Variants in MLYCD observed in about 807,000 individuals in gnomAD.
The protein encoded by MLYCD is malonyl-CoA decarboxylase, mitochondrial.
A neutral mutation model predicts 35.8 loss-of-function variants in MLYCD; 27 were observed. The ratio of observed to expected loss-of-function variants is 0.75; its 90% CI spans 0.56 to 1.04. MLYCD has a LOEUF of 1.04. Among genes scored for constraint, MLYCD ranks in the 50% least tolerant of loss-of-function variants. The pLI is 0.00. For missense variants in MLYCD, 917 were observed against 665.1 expected, an observed-to-expected ratio of 1.38 and a Z score of -4.17; for synonymous variants, 403 against 302.4, an observed-to-expected ratio of 1.33 and a Z score of -3.45.
intron 1 of MLYCD, among the ~76,000 whole-genome samples, chr16:83,905,703 C>T (rs930988719): frequency 3.4e-4 from 52 of 152,222 alleles, no homozygotes; most frequent in African/African-American, 1.1e-3. Flanking sequence ...CTGCAGGAGA[C>T]CTCTGCTTAC....
intron 3 of MLYCD, among the ~76,000 whole-genome samples, chr16:83,910,968 A>G (rs1907156082): frequency 6.6e-6 from 1 of 151,296 alleles, no homozygotes; most frequent in Non-Finnish European, 1.5e-5. Flanking sequence ...CATTCCATAC[A>G]CAATTTCTTT....
chr16:83,906,964 G>A lies in MLYCD; in HGVS notation c.529-23G>A, dbSNP rs1391477306. The A allele has an allele frequency of 8.1e-6, 13 of 1,601,990 alleles. No individual in the cohort carries two copies. The East Asian group carries it at 2.2e-4, about 28-fold the overall frequency. The stretch of plus-strand genomic sequence containing the variant: ...TTGATCTGTCGCACATTGGAGGCCT[G>A]GGATTTATCTTCTCCTTTTCAGGAA... On this transcript the variant is annotated intron_variant, in intron 1 of 4. Transcript: ENST00000262430.
At position 83,915,922 on chromosome 16, in the gene MLYCD, C is replaced by A. The variant is rs1012551816; in HGVS notation, c.*433C>A. The A allele has an allele frequency of 1.9e-6, 2 of 1,075,676 alleles. No homozygotes were observed. The highest frequency in any genetic ancestry group is 4.5e-4 in the Middle Eastern group (1 of 2,218). The allele number at this position is 1,075,676 out of a possible 1,614,324, so 66.6% of individuals were successfully genotyped here. A position where few individuals can be genotyped will look rare whatever the true frequency, so the allele number is the denominator to read the frequency against. On this transcript the variant is annotated 3_prime_UTR_variant, in exon 5 of 5. Transcript: ENST00000262430. ...TTTGTGCTCATAAAACAGAATGCGG[C>A]GATGGTTGCTTTAGCCGTTTCTCAC...
At chr16:83,914,441 G>A (rs1009460634) in intron 4 of MLYCD, 8 of 206,736 alleles carry the variant, frequency 3.9e-5, no homozygotes, top group African/African-American at 1.6e-4. Context: ...GACAAGGCCT[G>A]CAGTGAGTAG....
rs891865060 is a variant in MLYCD at position 83,917,650 on chromosome 16, A to G, written c.*2161A>G. The G allele has an allele frequency of 6.6e-6, 1 of 152,246 alleles. No homozygotes were observed. Among genetic ancestry groups the G allele is most frequent in the Non-Finnish European group, 1.5e-5 (1 of 68,044 alleles). 9.4% of individuals were successfully genotyped at this position (152,246 alleles called of 1,614,324 possible). On this transcript the variant is annotated 3_prime_UTR_variant, in exon 5 of 5. Coordinates refer to ENST00000262430, the MANE Select transcript of MLYCD (RefSeq NM_012213.3). ...CAGGCCAATCAATGCAATCCTGGCA[A>G]CCTGCCCGCCCTTCTTGCGGGCAGA...
intron 3 of MLYCD, among the ~76,000 whole-genome samples, chr16:83,908,492 G>A (rs1429829286): frequency 6.6e-6 from 1 of 152,060 alleles, no homozygotes; most frequent in Non-Finnish European, 1.5e-5. Flanking sequence ...GGAGCAAGGC[G>A]AGCATTCATC....
chr16:83,903,056 G>A (rs1455826779), intron 1 of MLYCD, among the ~76,000 whole-genome samples: 2 of 152,150 alleles, frequency 1.3e-5, no homozygotes, highest in African/African-American at 4.8e-5. Flanking sequence ...CAGTGAAACC[G>A]AGTCGAATCC....
rs2278036 is a variant in MLYCD at position 83,908,114 on chromosome 16, A to T, written c.642-12A>T. The T allele has an allele frequency of 0.056, 89,550 of 1,613,458 alleles. 3,121 individuals are homozygous for T. The highest frequency in any genetic ancestry group is 0.14 in the East Asian group (6,143 of 44,858). ...ATGCATTTGTCTTGTCTCTTTATAA[A>T]TTCCGCCCCAGGGCTGAGGCTGTGC... On this transcript the variant is annotated splice_polypyrimidine_tract_variant and intron_variant, in intron 2 of 4. Coordinates refer to ENST00000262430, the MANE Select transcript of MLYCD (RefSeq NM_012213.3).
In MLYCD at chr16:83,916,641, T is replaced by G. The variant is rs1249922639; in HGVS notation, c.*1152T>G. The G allele has an allele frequency of 1.4e-5, 2 of 142,312 alleles. No individual in the cohort carries two copies. Among genetic ancestry groups the G allele is most frequent in the African/African-American group, 5.4e-5 (2 of 37,032 alleles). The allele number at this position is 142,312 out of a possible 1,614,324, so 8.8% of individuals were successfully genotyped here. A position where few individuals can be genotyped will look rare whatever the true frequency, so the allele number is the denominator to read the frequency against. ...CTGTGTGGATCAGTGCACGTCTGTG[T>G]GCGTGTGCACGAGCATCTCTGTGTG... On this transcript the variant is annotated 3_prime_UTR_variant, in exon 5 of 5. Coordinates refer to ENST00000262430, the MANE Select transcript of MLYCD (RefSeq NM_012213.3).
intron 4 of MLYCD, 147 bp from the exon 5 acceptor site, chr16:83,914,807 AAG>A: frequency 7.6e-6 from 9 of 1,185,104 alleles, no homozygotes; most frequent in Non-Finnish European, 1.1e-5. Context: ...AGCTGCTTGA[AAG>A]AAGATAAACA....
Position 83,899,203 on chromosome 16 carries a change from C to G in MLYCD, c.59C>G (p.Pro20Arg). ...ARRLLPLRLP[P>R]RPPGPRLASG... ...CGTCTCCTCCCGCTGCGGTTGCCCC[C>G]GCGGCCGCCCGGGCCCCGGCTGGCG... Residue 20 changes from proline (P) to arginine (R), a missense_variant, in exon 1 of 5, where the codon CCG becomes CGG. Coordinates refer to ENST00000262430, the MANE Select transcript of MLYCD (RefSeq NM_012213.3). The G allele has an allele frequency of 8.5e-7, 1 of 1,182,040 alleles. No individual in the cohort carries two copies. Among genetic ancestry groups the G allele is most frequent in the Non-Finnish European group, 1.0e-6 (1 of 960,078 alleles). The allele number at this position is 1,182,040 out of a possible 1,614,324, so 73.2% of individuals were successfully genotyped here. A position where few individuals can be genotyped will look rare whatever the true frequency, so the allele number is the denominator to read the frequency against.
rs1907450164 is a variant in MLYCD at position 83,917,262 on chromosome 16, T to A, written c.*1773T>A. ...GTCTGTGTGCGTGTGCCCGAGCGTCTCTGTGTGGATCAGTGCACGTCTGTG... is the reference window on the plus strand; with the variant it reads ...GTCTGTGTGCGTGTGCCCGAGCGTCACTGTGTGGATCAGTGCACGTCTGTG... On this transcript the variant is annotated 3_prime_UTR_variant, in exon 5 of 5. Transcript: ENST00000262430. 1 of 151,300 alleles carries A rather than the reference T, an allele frequency of 6.6e-6. No individual in the cohort carries two copies. The highest frequency in any genetic ancestry group is 2.5e-5 in the African/African-American group (1 of 40,578). 9.4% of individuals were successfully genotyped at this position (151,300 alleles called of 1,614,324 possible). A position where few individuals can be genotyped will look rare whatever the true frequency, so the allele number is the denominator to read the frequency against.
Position 83,915,245 on chromosome 16 carries a change from G to C in MLYCD, c.1238G>C (p.Gly413Ala), listed in dbSNP as rs1907334301. Residue 413 changes from glycine (G) to alanine (A), a missense_variant, in exon 5 of 5, where the codon GGC becomes GCC. Transcript: ENST00000262430. ...AWYLYGEKHR[G>A]YALNPVANFH... The stretch of plus-strand genomic sequence containing the variant: ...TACCTGTATGGAGAGAAGCACCGCG[G>C]CTACGCGCTGAACCCCGTGGCCAAC... 1.2e-6 allele frequency: 2 copies of C among 1,613,054 alleles called. No individual in the cohort carries two copies. Among genetic ancestry groups the C allele is most frequent in the Non-Finnish European group, 1.7e-6 (2 of 1,179,122 alleles).
At chr16:83,899,719 C>T (rs1906713982) in intron 1 of MLYCD, 47 bp downstream of exon 1, 2 of 1,477,026 alleles carry the variant, frequency 1.4e-6, no homozygotes, top group Non-Finnish European at 1.8e-6. Context: ...TGGCCGCCCT[C>T]CTCGAGTAGT....
chr16:83,905,815 T>C (rs1906953483), intron 1 of MLYCD, among the ~76,000 whole-genome samples: 1 of 152,178 alleles, frequency 6.6e-6, no homozygotes, highest in African/African-American at 2.4e-5. Context: ...CTTCTGTTAA[T>C]TTGAAAGAAA....
At chr16:83,914,774 G>C in intron 4 of MLYCD, 182 bp from the exon 5 acceptor site, 1 of 850,076 alleles carries the variant, frequency 1.2e-6, no homozygotes, top group Non-Finnish European at 1.8e-6. Flanking sequence ...GCAAGACCCT[G>C]ACTCTAAGAG....
chr16:83,913,663 T>C (rs534304909), intron 4 of MLYCD: 52 of 152,050 alleles, frequency 3.4e-4, no homozygotes, highest in African/African-American at 1.3e-3. Context: ...ACTAAAAATA[T>C]AAAAATTAGG....
intron 3 of MLYCD, among the ~76,000 whole-genome samples, chr16:83,909,685 T>C (rs1907104468): frequency 1.3e-5 from 2 of 150,756 alleles, no homozygotes; most frequent in Non-Finnish European, 3.0e-5. Context: ...GCAATGGTGC[T>C]GTCTCGGCTC....
Position 83,908,202 on chromosome 16 carries a change from T to G in MLYCD, c.718T>G (p.Phe240Val). The G allele has an allele frequency of 6.2e-7, 1 of 1,614,216 alleles. No individual in the cohort carries two copies. The highest frequency in any genetic ancestry group is 1.1e-5 in the South Asian group (1 of 91,088). Residue 240 changes from phenylalanine (F) to valine (V), a missense_variant, in exon 3 of 5, where the codon TTT becomes GTT. By Grantham distance (50) the Phe-to-Val change is conservative. Coordinates refer to ENST00000262430, the MANE Select transcript of MLYCD (RefSeq NM_012213.3). ...RVGPYRRCYF[F>V]SHCSTPGEPL... ...TGGGCCCTACAGAAGGTGTTACTTC[T>G]TTTCTCACTGTTCGACCCCTGGGGA...
Sources: allele counts gnomAD v4.1 joint callset (sites outside exome capture counted in the v4.1 genomes callset), GRCh38; gene constraint gnomAD v4.1.1; transcripts MANE v1.5; gene names NCBI Gene and HGNC (gene_info 2026-07-23, HGNC 2026-07-21).